NTRK2: variants seen among roughly 807,000 people sequenced by gnomAD.
The protein encoded by NTRK2 is neurotrophic receptor tyrosine kinase 2.
A neutral mutation model predicts 94.5 loss-of-function variants in NTRK2; 13 were observed. The ratio of observed to expected loss-of-function variants is 0.14; its 90% CI spans 0.09 to 0.22. The LOEUF is 0.22. Among genes scored for constraint, NTRK2 ranks in the 10% least tolerant of loss-of-function variants. The pLI is 1.00. For missense variants in NTRK2, 639 were observed against 1,071.2 expected (o/e 0.60, Z 5.63); for synonymous variants, 372 against 407.4 (o/e 0.91, Z 1.05).
rs2132977785 is a variant in NTRK2 at position 84,955,443 on chromosome 9, G to A, written c.2098G>A (p.Val700Ile). 6.2e-7 allele frequency: 1 copy of A among 1,614,260 alleles called. No homozygotes were observed. Among genetic ancestry groups the A allele is most frequent in the Non-Finnish European group, 8.5e-7 (1 of 1,180,050 alleles). Residue 700 changes from valine (V) to isoleucine (I), a missense_variant, in exon 17 of 19, where the codon GTC becomes ATC. Physicochemically the swap from Val to Ile is conservative, Grantham distance 29. This residue lies in a region of NTRK2 where 77 missense variants were observed against 203.6 expected (regional missense o/e 0.38). Transcript: ENST00000277120. ...CGATTTGGCCACCAGGAACTGCCTG[G>A]TCGGGGAGAACTTGCTGGTGAAAAT... Reference protein sequence around the residue: ...HRDLATRNCLVGENLLVKIGD... With the variant: ...HRDLATRNCLIGENLLVKIGD...
At chr9:84,759,994 G>A (rs549566993) in intron 12 of NTRK2, among the ~76,000 whole-genome samples, 1 of 152,242 alleles carries the variant, frequency 6.6e-6, no homozygotes, top group South Asian at 2.1e-4. Context: ...AATACATTTA[G>A]CTCTAAATCA....
intron 17 of NTRK2, among the ~76,000 whole-genome samples, chr9:85,008,358 A>C (rs1278741036): frequency 6.6e-6 from 1 of 151,778 alleles, no homozygotes; most frequent in Non-Finnish European, 1.5e-5. Context: ...TTGGTGCAAA[A>C]GTAGTTGCAG....
At chr9:84,743,554 T>C (rs2063822525) in intron 10 of NTRK2, among the ~76,000 whole-genome samples, 1 of 152,216 alleles carries the variant, frequency 6.6e-6, no homozygotes, top group Non-Finnish European at 1.5e-5. Context: ...TGTCTTGATA[T>C]GGTTTAAAGG....
chr9:84,709,846 G>A (rs770607927), intron 5 of NTRK2, among the ~76,000 whole-genome samples: 9 of 151,950 alleles, frequency 5.9e-5, no homozygotes, highest in Non-Finnish European at 8.8e-5. Context: ...CCCATTGCAG[G>A]CCACAGGAGT....
intron 15 of NTRK2, 45 bp from the exon 16 acceptor site, chr9:84,948,417 T>C (rs201588639): frequency 2.0e-5 from 32 of 1,590,100 alleles, no homozygotes; most frequent in Middle Eastern, 1.7e-4. Context: ...CTCAGTATCA[T>C]AGGGCCCACT....
Position 84,838,822 on chromosome 9 carries a change from T to G in NTRK2, c.1397-22218T>G, listed in dbSNP as rs139188771. 3.3e-5 allele frequency among the ~76,000 whole-genome samples: 5 copies of G among 152,302 alleles called. No individual in the cohort carries two copies. The East Asian group carries it at 9.6e-4, about 29-fold the overall frequency. On this transcript the variant is annotated intron_variant, in intron 12 of 18. Transcript: ENST00000277120. ...TACCAAAAATAGATAATTCTGGACT[T>G]TAAAATATAAAATAACACTACATAC...
intron 12 of NTRK2, among the ~76,000 whole-genome samples, chr9:84,830,357 G>T (rs1216521265): frequency 6.6e-6 from 1 of 152,134 alleles, no homozygotes; most frequent in African/African-American, 2.4e-5. Context: ...TCCTTTATGG[G>T]CATTTAAATA....
At chr9:84,910,116 A>G (rs1472341938) in intron 14 of NTRK2, among the ~76,000 whole-genome samples, 1 of 152,138 alleles carries the variant, frequency 6.6e-6, no homozygotes, top group Non-Finnish European at 1.5e-5. Context: ...TTTTATACAC[A>G]ATGTGAGACT....
intron 14 of NTRK2, among the ~76,000 whole-genome samples, chr9:84,884,889 T>G (rs1014441065): frequency 1.8e-4 from 28 of 152,346 alleles, no homozygotes; most frequent in Admixed American, 1.0e-3. Context: ...CCAGGGTTTT[T>G]TGCAACCACA....
At chr9:84,931,726 A>C (rs1185926207) in intron 14 of NTRK2, among the ~76,000 whole-genome samples, 3 of 151,584 alleles carry the variant, frequency 2.0e-5, no homozygotes, top group South Asian at 4.2e-4. Context: ...CAAAAAAAAA[A>C]AAAACAAAAA....
chr9:84,896,548 G>T (rs761990252), intron 14 of NTRK2, among the ~76,000 whole-genome samples: 4 of 152,214 alleles, frequency 2.6e-5, no homozygotes, highest in African/African-American at 4.8e-5. Context: ...TTAGTGTCCT[G>T]AAGGATTCTG....
intron 15 of NTRK2, among the ~76,000 whole-genome samples, chr9:84,940,195 T>C (rs1272519210): frequency 1.3e-5 from 2 of 152,084 alleles, no homozygotes; most frequent in East Asian, 3.9e-4. Flanking sequence ...ATATTAGAGA[T>C]GCTATAACTA....
intron 14 of NTRK2, among the ~76,000 whole-genome samples, chr9:84,889,135 C>T (rs1212662869): frequency 1.3e-4 from 20 of 149,366 alleles, no homozygotes; most frequent in African/African-American, 3.7e-4. Flanking sequence ...GGACTACAGG[C>T]GCCCGCTACC....
Position 84,727,765 on chromosome 9 carries a change from C to A in NTRK2, c.965C>A (p.Ala322Glu). 6.2e-7 allele frequency: 1 copy of A among 1,614,176 alleles called. No individual in the cohort carries two copies. Among genetic ancestry groups the A allele is most frequent in the Non-Finnish European group, 8.5e-7 (1 of 1,180,028 alleles). The change falls in exon 9 of 19, where the codon GCA becomes GAA. Residue 322 changes from alanine (A) to glutamate (E), a missense_variant. Around this residue, in one of 5 missense-constraint regions of NTRK2, gnomAD observed 343 missense variants for 571.5 expected, o/e 0.60. Coordinates refer to ENST00000277120, the MANE Select transcript of NTRK2 (RefSeq NM_006180.6). ...KPALQWFYNG[A>E]ILNESKYICT... The stretch of plus-strand genomic sequence containing the variant: ...GCGCTTCAGTGGTTCTATAACGGGG[C>A]AATATTGAATGAGTCCAAATACATC...
rs201450257 is a variant in NTRK2, at chr9:84,813,339, C to T, written c.1397-47701C>T. ...TAGGAGAAACATGAAACCTGGATTT[C>T]GTGTGAAATGTCCCGATTGTTAAAA... On this transcript the variant is annotated intron_variant, in intron 12 of 18. Coordinates refer to ENST00000277120, the MANE Select transcript of NTRK2 (RefSeq NM_006180.6). 8 of 1,021,520 alleles carry T rather than the reference C, an allele frequency of 7.8e-6. No homozygotes were observed. The African/African-American group carries it at 1.2e-4, about 15-fold the overall frequency. The allele number at this position is 1,021,520 out of a possible 1,614,324, so 63.3% of individuals were successfully genotyped here.
chr9:84,720,631 A>G (rs896611388), intron 6 of NTRK2, among the ~76,000 whole-genome samples: 1 of 152,206 alleles, frequency 6.6e-6, no homozygotes, highest in Non-Finnish European at 1.5e-5. Context: ...AGGAAAGCTT[A>G]TAATTGAAAG....
chr9:84,797,561 CTATATAT>C (rs1215747546), intron 12 of NTRK2, among the ~76,000 whole-genome samples: 1 of 54,880 alleles, frequency 1.8e-5, no homozygotes, highest in African/African-American at 9.3e-5. Context: ...ATTATATATA[CTATATAT>C]TATATATATT....
At chr9:84,857,661 A>T (rs952288794) in intron 12 of NTRK2, among the ~76,000 whole-genome samples, 11 of 152,180 alleles carry the variant, frequency 7.2e-5, no homozygotes, top group African/African-American at 2.7e-4. Context: ...ATAATGACTG[A>T]GTTAATTTTA....
intron 12 of NTRK2, among the ~76,000 whole-genome samples, chr9:84,848,746 GA>G (rs1431093588): frequency 6.6e-6 from 1 of 152,042 alleles, no homozygotes; most frequent in African/African-American, 2.4e-5. Flanking sequence ...CTTTGAGCAC[GA>G]AAAAAATCAA....
Sources: allele counts gnomAD v4.1 joint callset (sites outside exome capture counted in the v4.1 genomes callset), GRCh38; gene constraint gnomAD v4.1.1; regional missense constraint gnomAD v4.1.1; transcripts MANE v1.5; gene names NCBI Gene and HGNC (gene_info 2026-07-23, HGNC 2026-07-21).